Variants in STXBP3 observed in about 807,000 individuals in gnomAD.
The protein encoded by STXBP3 is syntaxin-binding protein 3.
Under a neutral mutation model 85.7 loss-of-function variants are expected in STXBP3, and 41 were observed. The observed-to-expected ratio is 0.48, with a 90% CI of 0.37 to 0.62. The LOEUF is 0.62. Among genes scored for constraint, STXBP3 ranks in the 20% least tolerant of loss-of-function variants. STXBP3 has a pLI of 0.00. For synonymous variants in STXBP3, 229 were observed against 231.7 expected (o/e 0.99, Z 0.10); for missense variants, 563 against 703.1 (o/e 0.80, Z 2.25).
At chr1:108,808,310 G>A (rs1433866189) in intron 18 of STXBP3, among the ~76,000 whole-genome samples, 1 of 152,108 alleles carries the variant, frequency 6.6e-6, no homozygotes, top group East Asian at 1.9e-4. Context: ...CCAGGAGTTT[G>A]AAACCAGCCT....
intron 6 of STXBP3, among the ~76,000 whole-genome samples, chr1:108,764,160 T>C (rs1341904583): frequency 1.3e-5 from 2 of 152,178 alleles, no homozygotes; most frequent in African/African-American, 4.8e-5. Context: ...CCTGCATTAG[T>C]TTGCTAAGGA....
At position 108,798,255 on chromosome 1, in the gene STXBP3, G is replaced by T; in HGVS notation, c.1449+18G>T. On this transcript the variant is annotated intron_variant, in intron 16 of 18. Transcript: ENST00000370008. ...TTATGGAGGTAAAAATCATTAAAAT[G>T]TTTTTTTCTACCTGAGTGCCCTCTT... 1 of 1,583,168 alleles carries T rather than the reference G, an allele frequency of 6.3e-7. No individual in the cohort carries two copies. The highest frequency in any genetic ancestry group is 8.6e-7 in the Non-Finnish European group (1 of 1,161,002).
chr1:108,794,055 A>G (rs1047976165), intron 12 of STXBP3, among the ~76,000 whole-genome samples: 2 of 152,248 alleles, frequency 1.3e-5, no homozygotes, highest in Admixed American at 6.5e-5. Context: ...AAACACTATC[A>G]GAATAATCTT....
chr1:108,779,233 GT>G, intron 8 of STXBP3, 52 bp from the exon 9 acceptor site: 1 of 1,566,074 alleles, frequency 6.4e-7, no homozygotes, highest in Non-Finnish European at 8.7e-7. Context: ...TTAAAACTAT[GT>G]TCACACTAAG....
Position 108,794,860 on chromosome 1 carries a change from A to T in STXBP3, c.1063A>T (p.Met355Leu), listed in dbSNP as rs1245042898. 1.2e-6 allele frequency: 2 copies of T among 1,610,760 alleles called. No homozygotes were observed. The highest frequency in any genetic ancestry group is 1.3e-5 in the African/African-American group (1 of 74,892). The change falls in exon 13 of 19, where the codon ATG becomes TTG. Residue 355 changes from methionine to leucine, a missense_variant. This residue lies in a region of STXBP3 where 494 missense variants were observed against 592.8 expected (regional missense o/e 0.83). Coordinates refer to ENST00000370008, the MANE Select transcript of STXBP3 (RefSeq NM_007269.4). ...CCATCTTAACTTAGCAGAAGATTGC[A>T]TGAATAAGTTCAAGCTTAATATAGA... ...VVHLNLAEDC[M>L]NKFKLNIEKL... is the part of the protein sequence containing the mutation.
At chr1:108,768,084 G>A (rs896629377) in intron 6 of STXBP3, among the ~76,000 whole-genome samples, 1 of 152,202 alleles carries the variant, frequency 6.6e-6, no homozygotes, top group Non-Finnish European at 1.5e-5. Flanking sequence ...GAGGATGTTT[G>A]TTGGAGAAGC....
intron 11 of STXBP3, among the ~76,000 whole-genome samples, chr1:108,790,072 A>G (rs1662944976): frequency 6.6e-6 from 1 of 151,888 alleles, no homozygotes; most frequent in South Asian, 2.1e-4. Flanking sequence ...AGGAATATAA[A>G]TTCTGTATGT....
chr1:108,775,088 A>G (rs1662558599), intron 7 of STXBP3, among the ~76,000 whole-genome samples: 1 of 152,154 alleles, frequency 6.6e-6, no homozygotes, highest in African/African-American at 2.4e-5. Flanking sequence ...CAATTAATTT[A>G]TTGTACAATT....
intron 6 of STXBP3, among the ~76,000 whole-genome samples, chr1:108,764,614 A>C (rs961087395): frequency 6.6e-6 from 1 of 152,094 alleles, no homozygotes; most frequent in Non-Finnish European, 1.5e-5. Flanking sequence ...ATAGTATCTC[A>C]TTGTGGTTTT....
intron 1 of STXBP3, among the ~76,000 whole-genome samples, chr1:108,751,171 T>TC (rs34176777): frequency 6.6e-6 from 1 of 152,182 alleles, no homozygotes; most frequent in Admixed American, 6.5e-5. Context: ...GTTCCAACCC[T>TC]CTAAACATGG....
chr1:108,805,766 G>A (rs1369219000), intron 17 of STXBP3, among the ~76,000 whole-genome samples: 1 of 152,166 alleles, frequency 6.6e-6, no homozygotes. Context: ...GTGCCGTGGT[G>A]CACCCCTGTA....
intron 7 of STXBP3, among the ~76,000 whole-genome samples, chr1:108,775,423 A>AT (rs1218751885): frequency 6.6e-6 from 1 of 152,118 alleles, no homozygotes; most frequent in Non-Finnish European, 1.5e-5. Flanking sequence ...TTTCTTTGTG[A>AT]TAAAAACAAT....
intron 6 of STXBP3, among the ~76,000 whole-genome samples, chr1:108,770,684 A>C (rs1401486574): frequency 6.6e-6 from 1 of 152,204 alleles, no homozygotes; most frequent in Non-Finnish European, 1.5e-5. Context: ...ACTTACAATA[A>C]ATTTTCATAG....
At chr1:108,788,090 C>T (rs1231948425) in intron 11 of STXBP3, among the ~76,000 whole-genome samples, 2 of 152,150 alleles carry the variant, frequency 1.3e-5, no homozygotes, top group Admixed American at 1.3e-4. Flanking sequence ...CCACACCCAG[C>T]CTGTTTCTGT....
At chr1:108,785,267 T>G (rs1350252800) in intron 11 of STXBP3, among the ~76,000 whole-genome samples, 1 of 152,204 alleles carries the variant, frequency 6.6e-6, no homozygotes, top group Non-Finnish European at 1.5e-5. Context: ...TCCAGACATT[T>G]CTATACATCC....
At chr1:108,786,847 T>A (rs1464049608) in intron 11 of STXBP3, among the ~76,000 whole-genome samples, 1 of 152,206 alleles carries the variant, frequency 6.6e-6, no homozygotes, top group Non-Finnish European at 1.5e-5. Flanking sequence ...ATTACATGAA[T>A]CTGTACACTA....
chr1:108,765,591 T>TTTTTTTTTTTTTTTTTTTTTTC (rs796642937), intron 6 of STXBP3, among the ~76,000 whole-genome samples: 1 of 122,654 alleles, frequency 8.2e-6, no homozygotes. Flanking sequence ...TTTTTTTTTT[T>TTTTTTTTTTTTTTTTTTTTTTC]TGAGACGGAG....
intron 6 of STXBP3, among the ~76,000 whole-genome samples, chr1:108,764,183 G>A (rs1662207545): frequency 6.6e-6 from 1 of 151,998 alleles, no homozygotes; most frequent in African/African-American, 2.4e-5. Flanking sequence ...ATGACCTCTA[G>A]CTCCATCCAT....
chr1:108,799,937 A>G (rs963246757), intron 16 of STXBP3, among the ~76,000 whole-genome samples: 7 of 152,286 alleles, frequency 4.6e-5, no homozygotes, highest in East Asian at 1.9e-4. Flanking sequence ...CCCCGGCACC[A>G]TAGAACTAAA....
Sources: allele counts gnomAD v4.1 joint callset (sites outside exome capture counted in the v4.1 genomes callset), GRCh38; gene constraint gnomAD v4.1.1; regional missense constraint gnomAD v4.1.1; transcripts MANE v1.5; gene names NCBI Gene and HGNC (gene_info 2026-07-23, HGNC 2026-07-21).